Variants in SEMA3E observed in about 807,000 individuals in gnomAD.
The protein encoded by SEMA3E is semaphorin 3E.
SEMA3E carries 49 observed loss-of-function variants against 93.6 expected under a neutral mutation model. The observed-to-expected ratio is 0.52, with a 90% CI of 0.42 to 0.66. The LOEUF (loss-of-function observed/expected upper bound fraction) is 0.66, where lower values mean the gene tolerates loss of function less well. Among genes scored for constraint, SEMA3E ranks in the 30% least tolerant of loss-of-function variants. The pLI is 0.00. For missense variants in SEMA3E, 906 were observed against 964.8 expected (o/e 0.94, Z 0.81); for synonymous variants, 363 against 330.7 (o/e 1.10, Z -1.06).
chr7:83,402,572 C>T (rs1788251515), intron 10 of SEMA3E, 60 bp downstream of exon 10: 4 of 1,504,368 alleles, frequency 2.7e-6, no homozygotes, highest in Admixed American at 3.4e-5. Context: ...AAACAGTGAA[C>T]AAAATATTAC....
intron 1 of SEMA3E, among the ~76,000 whole-genome samples, chr7:83,562,140 G>A (rs1792042104): frequency 6.6e-6 from 1 of 152,050 alleles, no homozygotes; most frequent in Admixed American, 6.6e-5. Flanking sequence ...ATTTGAAAAG[G>A]ATTTCTATTT....
chr7:83,444,067 C>A (rs1267557480), intron 4 of SEMA3E, among the ~76,000 whole-genome samples: 1 of 152,038 alleles, frequency 6.6e-6, no homozygotes. Context: ...GTCTTAAGTA[C>A]AATTAAAATC....
At chr7:83,474,685 G>C (rs1470223059) in intron 2 of SEMA3E, among the ~76,000 whole-genome samples, 1 of 152,154 alleles carries the variant, frequency 6.6e-6, no homozygotes, top group African/African-American at 2.4e-5. Context: ...GCATGATTTA[G>C]GAAAGATATC....
In SEMA3E at chr7:83,366,438, CTT is replaced by C. The variant is rs1794669271; in HGVS notation, c.*1146_*1147del. On this transcript the variant is annotated 3_prime_UTR_variant, in exon 17 of 17. Coordinates refer to ENST00000643230, the MANE Select transcript of SEMA3E (RefSeq NM_012431.3). The stretch of plus-strand genomic sequence containing the variant: ...GAACTCATGAAACAATTTTCTGTCT[CTT>C]AATATAAAAGAGAGAAGAAAATTTG... 6.6e-6 allele frequency: 1 copy of C among 151,120 alleles called. No homozygotes were observed. The highest frequency in any genetic ancestry group is 2.4e-5 in the African/African-American group (1 of 41,252). 9.4% of individuals were successfully genotyped at this position (151,120 alleles called of 1,614,324 possible).
chr7:83,511,284 T>TG (rs1790812416), intron 1 of SEMA3E, among the ~76,000 whole-genome samples: 3 of 99,556 alleles, frequency 3.0e-5, no homozygotes, highest in Non-Finnish European at 6.8e-5. Flanking sequence ...GTCTTAAATA[T>TG]GTTTTTTTTT....
At position 83,516,945 on chromosome 7, in the gene SEMA3E, T is replaced by TTATATATATATA. The variant is rs369210004; in HGVS notation, c.116-26683_116-26672dup. On this transcript the variant is annotated intron_variant, in intron 1 of 16. Coordinates refer to ENST00000643230, the MANE Select transcript of SEMA3E (RefSeq NM_012431.3). ...TTTATTGAGTATATATAGCATATAT[T>TTATATATATATA]TATATATATATATGTATATAAAATA... Among the ~76,000 whole-genome samples the TTATATATATATA allele has an allele frequency of 8.1e-4, 120 of 148,554 alleles. 2 individuals carry two copies. The highest frequency in any genetic ancestry group is 9.5e-4 in the Non-Finnish European group (64 of 67,104).
chr7:83,606,519 A>C (rs1793121913), intron 1 of SEMA3E, among the ~76,000 whole-genome samples: 5 of 147,240 alleles, frequency 3.4e-5, no homozygotes. Flanking sequence ...AGAACAAAAA[A>C]CCAAACACCG....
chr7:83,629,063 G>C (rs1450405962), intron 1 of SEMA3E, among the ~76,000 whole-genome samples: 1 of 152,028 alleles, frequency 6.6e-6, no homozygotes, highest in Non-Finnish European at 1.5e-5. Flanking sequence ...AGGTCTGCTG[G>C]AGTTTGCTGG....
intron 2 of SEMA3E, among the ~76,000 whole-genome samples, chr7:83,483,771 T>C (rs139392900): frequency 1.3e-3 from 197 of 152,172 alleles, no homozygotes; most frequent in Middle Eastern, 3.4e-3. Flanking sequence ...GTGGAAACAA[T>C]AGATTTGGTG....
intron 1 of SEMA3E, among the ~76,000 whole-genome samples, chr7:83,545,142 T>C (rs894824907): frequency 3.3e-5 from 5 of 152,130 alleles, no homozygotes; most frequent in Admixed American, 6.6e-5. Context: ...TATTTGAAGA[T>C]GTGATTTTAT....
intron 1 of SEMA3E, among the ~76,000 whole-genome samples, chr7:83,536,187 C>T: frequency 6.6e-6 from 1 of 151,824 alleles, no homozygotes; most frequent in East Asian, 1.9e-4. Flanking sequence ...AAGCTTTGAT[C>T]ACTTTTACCA....
chr7:83,448,785 T>C (rs1789290380), intron 4 of SEMA3E, among the ~76,000 whole-genome samples: 1 of 152,160 alleles, frequency 6.6e-6, no homozygotes, highest in Admixed American at 6.6e-5. Flanking sequence ...AATCATCTGG[T>C]TGACACAGTA....
At chr7:83,555,578 A>G (rs973709284) in intron 1 of SEMA3E, among the ~76,000 whole-genome samples, 1 of 152,148 alleles carries the variant, frequency 6.6e-6, no homozygotes, top group African/African-American at 2.4e-5. Flanking sequence ...GGCTTAAAGA[A>G]GTTGAGGTAA....
chr7:83,453,366 G>T (rs887633995), intron 4 of SEMA3E, among the ~76,000 whole-genome samples: 13 of 149,518 alleles, frequency 8.7e-5, no homozygotes, highest in African/African-American at 3.0e-4. Flanking sequence ...TATCTGTTTC[G>T]CATTTAACTT....
At chr7:83,593,335 TTGGGGA>T (rs1792799944) in intron 1 of SEMA3E, among the ~76,000 whole-genome samples, 1 of 99,360 alleles carries the variant, frequency 1.0e-5, no homozygotes, top group African/African-American at 3.5e-5. Flanking sequence ...TGTGTGTGTG[TTGGGGA>T]GGGGGAAAGA....
Position 83,562,219 on chromosome 7 carries a change from A to G in SEMA3E, c.116-71945T>C, listed in dbSNP as rs1584332525. On this transcript the variant is annotated intron_variant, in intron 1 of 16. Transcript: ENST00000643230. ...ATGGAAAACTTTACCTTGAAGGATG[A>G]TTTTTGGTTACAGAGATACTTTTGC... 2.6e-5 allele frequency among the ~76,000 whole-genome samples: 4 copies of G among 152,236 alleles called. No homozygotes were observed. The South Asian group carries it at 8.3e-4, about 32-fold the overall frequency.
intron 1 of SEMA3E, among the ~76,000 whole-genome samples, chr7:83,643,999 C>T (rs1398237170): frequency 1.3e-5 from 2 of 151,914 alleles, no homozygotes; most frequent in Non-Finnish European, 2.9e-5. Flanking sequence ...GAAAAACTGG[C>T]TCAGTCACTA....
intron 1 of SEMA3E, among the ~76,000 whole-genome samples, chr7:83,563,084 G>A (rs551950240): frequency 2.0e-5 from 3 of 152,242 alleles, no homozygotes; most frequent in African/African-American, 2.4e-5. Flanking sequence ...GGCATGCTCT[G>A]TTTCTGCCTC....
intron 1 of SEMA3E, among the ~76,000 whole-genome samples, chr7:83,605,831 A>G (rs943148111): frequency 6.6e-5 from 10 of 152,122 alleles, no homozygotes; most frequent in African/African-American, 2.4e-4. Context: ...AGTTCCTTGT[A>G]GATTCTGGAT....
Sources: allele counts gnomAD v4.1 joint callset (sites outside exome capture counted in the v4.1 genomes callset), GRCh38; gene constraint gnomAD v4.1.1; transcripts MANE v1.5; gene names NCBI Gene and HGNC (gene_info 2026-07-23, HGNC 2026-07-21).